Variants in MGST2 observed in about 807,000 individuals in gnomAD.
MGST2 encodes microsomal glutathione S-transferase 2, also known as glutathione peroxidase MGST2.
A neutral mutation model predicts 16.6 loss-of-function variants in MGST2; 9 were observed. The observed-to-expected ratio is 0.54, with a 90% CI of 0.33 to 0.95. MGST2 has a LOEUF of 0.95. Among genes scored for constraint, MGST2 ranks in the 40% least tolerant of loss-of-function variants. The pLI, the probability that MGST2 is intolerant of heterozygous loss-of-function variation, is 0.03. For missense variants in MGST2, 159 were observed against 175.1 expected (o/e 0.91, Z 0.52); for synonymous variants, 79 against 68.0 (o/e 1.16, Z -0.79).
intron 5 of MGST2, among the ~76,000 whole-genome samples, chr4:139,733,635 C>A (rs1412203373): frequency 6.6e-6 from 1 of 151,014 alleles, no homozygotes; most frequent in Non-Finnish European, 1.5e-5. Context: ...GAGGTTTTGC[C>A]TTCAGGCTTC....
chr4:139,747,700 G>GA, the MGST2 span, among the ~76,000 whole-genome samples: 373 of 140,082 alleles, frequency 2.7e-3, no homozygotes, highest in Middle Eastern at 0.022. Context: ...TCTCAGAAAA[G>GA]AAAAAAAAAA....
chr4:139,702,338 A>G (rs1174410036), intron 3 of MGST2, among the ~76,000 whole-genome samples: 3 of 152,128 alleles, frequency 2.0e-5, no homozygotes, highest in African/African-American at 4.8e-5. Flanking sequence ...TCTCCCAGTC[A>G]GTCCCCATTC....
intron 2 of MGST2, among the ~76,000 whole-genome samples, chr4:139,694,698 A>G (rs1455755496): frequency 1.7e-4 from 26 of 152,200 alleles, no homozygotes. Context: ...AATGCATGTC[A>G]GTCTGGGCTC....
chr4:139,695,221 T>G lies in MGST2; in HGVS notation c.183T>G (p.Pro61=), dbSNP rs755151605. Residue 61 remains proline (P), a synonymous_variant, in exon 3 of 5, where the codon CCT becomes CCG. Transcript: ENST00000265498. The part of the protein sequence containing the change: ...RAQQNCVEFY[P]IFIITLWMAG... ...GACAAAACTGTGTGGAGTTTTATCCTATATTCATAATTACATTGTGGATGG... is the reference window on the plus strand; with the variant it reads ...GACAAAACTGTGTGGAGTTTTATCCGATATTCATAATTACATTGTGGATGG... 4 of 1,613,312 alleles carry G rather than the reference T, an allele frequency of 2.5e-6. No homozygotes were observed. The South Asian group carries it at 4.4e-5, about 18-fold the overall frequency.
intron 1 of MGST2, among the ~76,000 whole-genome samples, chr4:139,675,952 C>T (rs1303869664): frequency 6.6e-6 from 1 of 151,998 alleles, no homozygotes; most frequent in African/African-American, 2.4e-5. Context: ...AGCCTGGAAC[C>T]GGCCTTAGAT....
chr4:139,746,478 A>G, the MGST2 span, among the ~76,000 whole-genome samples: 1 of 152,170 alleles, frequency 6.6e-6, no homozygotes, highest in Non-Finnish European at 1.5e-5. Flanking sequence ...AACAGAGGAG[A>G]AGCAGATACC....
At chr4:139,680,706 AT>A (rs1479161426) in intron 2 of MGST2, among the ~76,000 whole-genome samples, 1 of 152,174 alleles carries the variant, frequency 6.6e-6, no homozygotes, top group Non-Finnish European at 1.5e-5. Context: ...ATATCTGAAA[AT>A]GCACCTTTAT....
At chr4:139,714,751 G>A (rs751801679) in intron 5 of MGST2, among the ~76,000 whole-genome samples, 8 of 151,706 alleles carry the variant, frequency 5.3e-5, no homozygotes, top group East Asian at 1.9e-4. Context: ...GTGGCAGGGC[G>A]GGGAAGGTGA....
At chr4:139,720,753 C>T (rs1728202377) in intron 5 of MGST2, among the ~76,000 whole-genome samples, 1 of 152,198 alleles carries the variant, frequency 6.6e-6, no homozygotes, top group African/African-American at 2.4e-5. Context: ...CAATAAGATA[C>T]TATTTTCTTT....
intron 2 of MGST2, among the ~76,000 whole-genome samples, chr4:139,694,963 C>T (rs1245071908): frequency 6.6e-6 from 1 of 152,192 alleles, no homozygotes; most frequent in East Asian, 1.9e-4. Context: ...AGTGCTATAA[C>T]TCACTTCTAC....
rs192782343 is a variant in MGST2, at chr4:139,714,818, G to A, written c.*48+10622G>A. On this transcript the variant is annotated intron_variant, in intron 5 of 5. Transcript: ENST00000616265. ...CATTGCAGCGACACTAAAAAGTTCAGGTGGCTGCTGTCGGTGGAGCAAGGA... is the reference window on the plus strand; with the variant it reads ...CATTGCAGCGACACTAAAAAGTTCAAGTGGCTGCTGTCGGTGGAGCAAGGA... Among the ~76,000 whole-genome samples the A allele has an allele frequency of 3.3e-4, 51 of 152,282 alleles. 1 individual carries two copies. Among genetic ancestry groups the A allele is most frequent in the Admixed American group, 2.8e-3 (43 of 15,294 alleles).
At chr4:139,726,061 C>T (rs1477790802) in intron 5 of MGST2, among the ~76,000 whole-genome samples, 2 of 152,226 alleles carry the variant, frequency 1.3e-5, no homozygotes, top group Non-Finnish European at 2.9e-5. Flanking sequence ...AGAAACAGAA[C>T]GCTGCCAGGA....
At chr4:139,730,505 C>A in intron 5 of MGST2, 1 of 1,555,824 alleles carries the variant, frequency 6.4e-7, no homozygotes, top group South Asian at 1.2e-5. Context: ...ATCAACTGGG[C>A]CCGCTGATCA....
intron 5 of MGST2, among the ~76,000 whole-genome samples, chr4:139,716,399 A>AAAT (rs1343809351): frequency 6.6e-6 from 1 of 152,144 alleles, no homozygotes; most frequent in African/African-American, 2.4e-5. Context: ...TTTTTGACAA[A>AAAT]AATATTTATT....
At chr4:139,754,532 T>G in the MGST2 span, among the ~76,000 whole-genome samples, 4 of 152,248 alleles carry the variant, frequency 2.6e-5, no homozygotes, top group African/African-American at 4.8e-5. Flanking sequence ...CAATTTTCAC[T>G]ACTTTATGCT....
chr4:139,689,824 G>T (rs1401178929), intron 2 of MGST2, among the ~76,000 whole-genome samples: 1 of 152,172 alleles, frequency 6.6e-6, no homozygotes. Flanking sequence ...GTTGCATATT[G>T]TGTTCGTTGG....
At chr4:139,669,765 T>A (rs1246394085) in intron 1 of MGST2, among the ~76,000 whole-genome samples, 3 of 152,238 alleles carry the variant, frequency 2.0e-5, no homozygotes, top group Non-Finnish European at 4.4e-5. Flanking sequence ...TTTATTTTAA[T>A]ATGCACAGCA....
chr4:139,737,833 C>G (rs573198296), intron 5 of MGST2, among the ~76,000 whole-genome samples: 1 of 152,198 alleles, frequency 6.6e-6, no homozygotes, highest in South Asian at 2.1e-4. Flanking sequence ...AAGGGCCCAC[C>G]CCATCTAATA....
At chr4:139,708,920 T>G (rs1727625883), downstream of MGST2, among the ~76,000 whole-genome samples, 1 of 145,606 alleles carries the variant, frequency 6.9e-6, no homozygotes, top group Non-Finnish European at 1.5e-5. Context: ...GAGAATCACT[T>G]GAACCCAGGA....
Sources: allele counts gnomAD v4.1 joint callset (sites outside exome capture counted in the v4.1 genomes callset), GRCh38; gene constraint gnomAD v4.1.1; transcripts MANE v1.5; gene names NCBI Gene and HGNC (gene_info 2026-07-23, HGNC 2026-07-21).